The following SH3GL2 variants were observed in gnomAD, a reference collection of about 807,000 sequenced individuals.
SH3GL2 encodes the protein endophilin-A1.
A neutral mutation model predicts 46.0 loss-of-function variants in SH3GL2; 24 were observed. The ratio of observed to expected loss-of-function variants is 0.52; its 90% CI spans 0.38 to 0.73. The LOEUF is 0.73. SH3GL2 is among the 30% of genes least tolerant of loss of function. SH3GL2 has a pLI of 0.00. For missense variants in SH3GL2, 413 were observed against 424.2 expected (o/e 0.97, Z 0.23); for synonymous variants, 196 against 147.1 (o/e 1.33, Z -2.40).
chr9:17,746,598 T>G (rs1822694416), intron 1 of SH3GL2, among the ~76,000 whole-genome samples: 1 of 152,204 alleles, frequency 6.6e-6, no homozygotes. Context: ...GGGCTGAGAC[T>G]TTTTTTCTTT....
intron 1 of SH3GL2, among the ~76,000 whole-genome samples, chr9:17,637,923 G>A (rs956716225): frequency 6.6e-6 from 1 of 152,138 alleles, no homozygotes; most frequent in Non-Finnish European, 1.5e-5. Flanking sequence ...TTGGGAGGCC[G>A]AGGCGGGCGG....
intron 1 of SH3GL2, among the ~76,000 whole-genome samples, chr9:17,579,728 G>A (rs755837874): frequency 1.3e-5 from 2 of 152,274 alleles, no homozygotes; most frequent in East Asian, 1.9e-4. Flanking sequence ...TGGCCGCACT[G>A]GGGGTGGCGG....
intron 1 of SH3GL2, among the ~76,000 whole-genome samples, chr9:17,657,143 A>G (rs865835111): frequency 6.6e-6 from 1 of 152,190 alleles, no homozygotes; most frequent in South Asian, 2.1e-4. Context: ...ACACTGAATT[A>G]CTTCTTCAGT....
At chr9:17,592,215 T>C (rs1252189591) in intron 1 of SH3GL2, among the ~76,000 whole-genome samples, 2 of 152,122 alleles carry the variant, frequency 1.3e-5, no homozygotes, top group African/African-American at 4.8e-5. Flanking sequence ...AAGTCTTGCT[T>C]AAGAAAAGAG....
chr9:17,747,790 C>T (rs1032454567), intron 2 of SH3GL2, among the ~76,000 whole-genome samples: 7 of 152,136 alleles, frequency 4.6e-5, no homozygotes, highest in African/African-American at 1.7e-4. Flanking sequence ...TCTCCTGCCT[C>T]AGCTCCCTGA....
chr9:17,725,597 G>A (rs867092600), intron 1 of SH3GL2, among the ~76,000 whole-genome samples: 1 of 152,292 alleles, frequency 6.6e-6, no homozygotes, highest in South Asian at 2.1e-4. Flanking sequence ...GTGGCACTGA[G>A]TCAGAGTTGT....
At chr9:17,587,070 T>C (rs1163120834) in intron 1 of SH3GL2, among the ~76,000 whole-genome samples, 1 of 152,098 alleles carries the variant, frequency 6.6e-6, no homozygotes, top group Non-Finnish European at 1.5e-5. Context: ...GGCTTGGTGA[T>C]GCACAGCTGT....
At chr9:17,697,762 C>T (rs934665869) in intron 1 of SH3GL2, among the ~76,000 whole-genome samples, 1 of 152,206 alleles carries the variant, frequency 6.6e-6, no homozygotes, top group African/African-American at 2.4e-5. Context: ...TAAACTGTCT[C>T]ATAGTTTTGC....
intron 3 of SH3GL2, among the ~76,000 whole-genome samples, chr9:17,781,757 G>T (rs1255984884): frequency 6.6e-6 from 1 of 151,968 alleles, no homozygotes; most frequent in Non-Finnish European, 1.5e-5. Context: ...GATTCTCCAG[G>T]TACCTAGAAT....
At chr9:17,696,203 G>C (rs1821198384) in intron 1 of SH3GL2, among the ~76,000 whole-genome samples, 1 of 152,036 alleles carries the variant, frequency 6.6e-6, no homozygotes, top group East Asian at 1.9e-4. Flanking sequence ...CTTTTTTAAA[G>C]AGAACATTTT....
intron 3 of SH3GL2, among the ~76,000 whole-genome samples, chr9:17,772,160 A>C (rs953994152): frequency 8.5e-5 from 13 of 152,222 alleles, no homozygotes; most frequent in Non-Finnish European, 1.8e-4. Flanking sequence ...ACATGTTGCC[A>C]AAATGAAATG....
intron 3 of SH3GL2, among the ~76,000 whole-genome samples, chr9:17,783,239 C>T (rs1823863053): frequency 6.6e-6 from 1 of 151,920 alleles, no homozygotes; most frequent in Non-Finnish European, 1.5e-5. Flanking sequence ...TGTATGTGCT[C>T]AAAGCTAATG....
intron 1 of SH3GL2, among the ~76,000 whole-genome samples, chr9:17,680,304 A>G (rs1820734392): frequency 6.6e-6 from 1 of 152,144 alleles, no homozygotes; most frequent in Admixed American, 6.6e-5. Flanking sequence ...CCTCAATTTC[A>G]GAGCCTGCTA....
chr9:17,653,043 A>T (rs1819992844), intron 1 of SH3GL2, among the ~76,000 whole-genome samples: 1 of 152,156 alleles, frequency 6.6e-6, no homozygotes, highest in South Asian at 2.1e-4. Context: ...CTGTGACATA[A>T]TACTTTCCAT....
At chr9:17,751,713 G>T (rs1224315182) in intron 2 of SH3GL2, among the ~76,000 whole-genome samples, 2 of 152,200 alleles carry the variant, frequency 1.3e-5, no homozygotes, top group East Asian at 1.9e-4. Context: ...GGATTCCAGT[G>T]ATCTCTCTCA....
At chr9:17,759,144 G>A (rs1273445086) in intron 2 of SH3GL2, among the ~76,000 whole-genome samples, 1 of 152,122 alleles carries the variant, frequency 6.6e-6, no homozygotes, top group African/African-American at 2.4e-5. Context: ...CTCCCTGTGG[G>A]CCAGGTGGGA....
chr9:17,646,315 G>C (rs1038672617), intron 1 of SH3GL2, among the ~76,000 whole-genome samples: 1 of 151,980 alleles, frequency 6.6e-6, no homozygotes, highest in Non-Finnish European at 1.5e-5. Context: ...CATTGGGTTA[G>C]GACATGCTTC....
At chr9:17,769,329 A>G (rs1220942727) in intron 3 of SH3GL2, among the ~76,000 whole-genome samples, 3 of 152,136 alleles carry the variant, frequency 2.0e-5, no homozygotes, top group Non-Finnish European at 2.9e-5. Flanking sequence ...TGCACTTTTC[A>G]TAATATTTAC....
At chr9:17,715,686 G>A (rs973757331) in intron 1 of SH3GL2, among the ~76,000 whole-genome samples, 2 of 151,834 alleles carry the variant, frequency 1.3e-5, no homozygotes, top group African/African-American at 2.4e-5. Context: ...GTATATATAA[G>A]CAGCTGTTCC....
Sources: gnomAD v4.1 joint callset for allele counts (sites outside exome capture counted in the v4.1 genomes callset) on GRCh38, gnomAD v4.1.1 for gene constraint, MANE v1.5 for transcripts, NCBI Gene and HGNC (gene_info 2026-07-23, HGNC 2026-07-21) for gene names.